Variants in GEMIN5 observed in about 807,000 individuals in gnomAD.
GEMIN5 encodes the protein gem-associated protein 5.
Under a neutral mutation model 176.9 loss-of-function variants are expected in GEMIN5, and 124 were observed. That is an observed-to-expected ratio of 0.70 (90% CI 0.61 to 0.81). The LOEUF is 0.81. Among genes scored for constraint, GEMIN5 ranks in the 40% least tolerant of loss-of-function variants. The probability of loss-of-function intolerance (pLI) is 0.00; values close to 1 mark genes in which losing one functional copy is unlikely to be tolerated. For synonymous variants in GEMIN5, 673 were observed against 665.2 expected, an observed-to-expected ratio of 1.01 and a Z score of -0.18; for missense variants, 1,843 against 1,814.6, an observed-to-expected ratio of 1.02 and a Z score of -0.28.
chr5:154,920,081 G>C lies in GEMIN5; in HGVS notation c.1485C>G (p.Ser495=), dbSNP rs747364617. 7 of 1,612,234 alleles carry C rather than the reference G, an allele frequency of 4.3e-6. No individual in the cohort carries two copies. The Admixed American group carries it at 1.2e-4, about 27-fold the overall frequency. Residue 495 remains serine (S), a synonymous_variant, in exon 11 of 28, where the codon TCC becomes TCG. Coordinates refer to ENST00000285873, the MANE Select transcript of GEMIN5 (RefSeq NM_015465.5). ...CTCCTCCACAGCTGTATAAAGCAAG[G>C]GAAGGTCTGTCTCCTTCTCCTCCTG... is the stretch of plus-strand genomic sequence containing the variant. The part of the protein sequence containing the change: ...MSLGGEGDRP[S]LALYSCGGEG...
intron 14 of GEMIN5, 50 bp from the exon 15 acceptor site, chr5:154,911,948 G>C: frequency 6.6e-7 from 1 of 1,514,284 alleles, no homozygotes; most frequent in Non-Finnish European, 9.0e-7. Context: ...TTATTCTATT[G>C]TTTGGGCAGT....
At chr5:154,934,054 C>T (rs1197091096) in intron 3 of GEMIN5, among the ~76,000 whole-genome samples, 3 of 152,158 alleles carry the variant, frequency 2.0e-5, no homozygotes, top group East Asian at 3.9e-4. Context: ...CTTGCTCTGT[C>T]GCTCAGGCTG....
chr5:154,916,081 T>C (rs1171215741), intron 13 of GEMIN5, among the ~76,000 whole-genome samples: 1 of 151,844 alleles, frequency 6.6e-6, no homozygotes, highest in African/African-American at 2.4e-5. Flanking sequence ...ATAGGTGGGG[T>C]CTCCCTACAT....
intron 3 of GEMIN5, among the ~76,000 whole-genome samples, chr5:154,934,021 G>A (rs991828382): frequency 6.6e-6 from 1 of 151,804 alleles, no homozygotes; most frequent in Admixed American, 6.6e-5. Context: ...CACTATCATT[G>A]ACTTTTTTTT....
At chr5:154,899,773 C>T (rs1161973704) in intron 21 of GEMIN5, among the ~76,000 whole-genome samples, 1 of 152,050 alleles carries the variant, frequency 6.6e-6, no homozygotes, top group Non-Finnish European at 1.5e-5. Flanking sequence ...TTACTAAATC[C>T]GTCAAGTCCA....
chr5:154,891,218 C>G (rs766650134), intron 26 of GEMIN5, 23 bp downstream of exon 26: 1 of 1,599,926 alleles, frequency 6.3e-7, no homozygotes. Context: ...TTCATTCCGT[C>G]TTGTACTTGC....
At chr5:154,898,367 A>T in intron 23 of GEMIN5, 73 bp downstream of exon 23, 1 of 1,343,328 alleles carries the variant, frequency 7.4e-7, no homozygotes, top group Non-Finnish European at 1.1e-6. Context: ...CTGGGTTATT[A>T]ACTTGGATTT....
intron 21 of GEMIN5, among the ~76,000 whole-genome samples, chr5:154,899,932 A>T (rs930919674): frequency 3.7e-5 from 5 of 134,700 alleles, no homozygotes; most frequent in African/African-American, 1.6e-4. Flanking sequence ...TCTTTCTTCT[A>T]AAAAAAAAAA....
At chr5:154,923,056 T>C (rs978073240) in intron 9 of GEMIN5, among the ~76,000 whole-genome samples, 2 of 152,172 alleles carry the variant, frequency 1.3e-5, no homozygotes, top group African/African-American at 2.4e-5. Flanking sequence ...ATGTAGGTTC[T>C]ACATGAATAC....
At chr5:154,900,268 A>C (rs1231344382) in intron 21 of GEMIN5, among the ~76,000 whole-genome samples, 2 of 152,244 alleles carry the variant, frequency 1.3e-5, no homozygotes, top group African/African-American at 4.8e-5. Flanking sequence ...TTCAAATGAC[A>C]TACAACTGCT....
At position 154,936,009 on chromosome 5, in the gene GEMIN5, G is replaced by A; in HGVS notation, c.341C>T (p.Thr114Ile). ...CTTTACTCGAGGAGACCAATGTAAT[G>A]TTGATATCGTATGCTTTAAAACAAA... is the stretch of plus-strand genomic sequence containing the variant. ...EHALHQHTIS[T>I]LHWSPRVKDL... Residue 114 changes from threonine to isoleucine, a missense_variant, in exon 3 of 28, where the codon ACA becomes ATA. Transcript: ENST00000285873. 2 of 1,596,542 alleles carry A rather than the reference G, an allele frequency of 1.3e-6. No individual in the cohort carries two copies. The highest frequency in any genetic ancestry group is 1.7e-6 in the Non-Finnish European group (2 of 1,172,706).
chr5:154,924,008 A>G (rs1445622896), intron 9 of GEMIN5, among the ~76,000 whole-genome samples: 1 of 152,242 alleles, frequency 6.6e-6, no homozygotes, highest in East Asian at 1.9e-4. Flanking sequence ...GAAAAAAGTA[A>G]AATTTTAGTA....
At chr5:154,917,822 C>T (rs970625984) in intron 12 of GEMIN5, 109 bp downstream of exon 12, 9 of 738,330 alleles carry the variant, frequency 1.2e-5, no homozygotes, top group Admixed American at 6.1e-5. Context: ...AATCAAAATA[C>T]CAAATACAAC....
At position 154,898,599 on chromosome 5, in the gene GEMIN5, C is replaced by A; in HGVS notation, c.3186G>T (p.Lys1062Asn). Residue 1062 changes from lysine to asparagine, a missense_variant, in exon 23 of 28, where the codon AAG becomes AAT. Coordinates refer to ENST00000285873, the MANE Select transcript of GEMIN5 (RefSeq NM_015465.5). ...CCGTTCTAAGTGATGCCGCATCCCC[C>A]TTTTTGGCCAAAACTTTGGCTGCAT... ...AYDAAKVLAK[K>N]GDAASLRTAA... The A allele has an allele frequency of 6.2e-7, 1 of 1,614,182 alleles. No individual in the cohort carries two copies. The highest frequency in any genetic ancestry group is 1.1e-5 in the South Asian group (1 of 91,080).
At chr5:154,901,519 A>T in intron 20 of GEMIN5, 33 bp from the exon 21 acceptor site, 1 of 1,609,504 alleles carries the variant, frequency 6.2e-7, no homozygotes, top group Non-Finnish European at 8.5e-7. Flanking sequence ...TTAAAAAAAC[A>T]GTTGAAGAAA....
intron 7 of GEMIN5, 47 bp from the exon 8 acceptor site, chr5:154,926,121 A>C: frequency 1.6e-6 from 2 of 1,263,878 alleles, no homozygotes; most frequent in Non-Finnish European, 2.3e-6. Flanking sequence ...AGAACAGAGA[A>C]ATAGGAAAAA....
At chr5:154,936,703 T>C (rs1039032341) in intron 2 of GEMIN5, among the ~76,000 whole-genome samples, 16 of 152,172 alleles carry the variant, frequency 1.1e-4, no homozygotes, top group African/African-American at 3.9e-4. Context: ...TTTTAGACCT[T>C]GTGGGCCATA....
chr5:154,920,760 T>A (rs1763905949), intron 10 of GEMIN5, among the ~76,000 whole-genome samples: 1 of 152,222 alleles, frequency 6.6e-6, no homozygotes, highest in Non-Finnish European at 1.5e-5. Flanking sequence ...AGATGTTTCA[T>A]CATAGATGGT....
chr5:154,900,451 G>C (rs1024326642), intron 21 of GEMIN5, among the ~76,000 whole-genome samples: 1 of 152,146 alleles, frequency 6.6e-6, no homozygotes, highest in Non-Finnish European at 1.5e-5. Context: ...GGACAAAATG[G>C]CTGAAACAAC....
Sources: gnomAD v4.1 joint callset for allele counts (sites outside exome capture counted in the v4.1 genomes callset) on GRCh38, gnomAD v4.1.1 for gene constraint, MANE v1.5 for transcripts, NCBI Gene and HGNC (gene_info 2026-07-23, HGNC 2026-07-21) for gene names.